The following S100Z variants were observed in gnomAD, a reference collection of about 807,000 sequenced individuals.
S100Z encodes the protein protein S100-Z.
In S100Z, 11 loss-of-function variants were observed where a neutral mutation model predicts 8.5. The ratio of observed to expected loss-of-function variants is 1.30; its 90% CI spans 0.82 to 2.15. The LOEUF is 2.15. S100Z is among the 30% of genes most tolerant of loss of function. S100Z has a pLI of 0.00. For synonymous variants in S100Z, 34 were observed against 43.8 expected (o/e 0.78, Z 0.89); for missense variants, 126 against 117.9 (o/e 1.07, Z -0.32).
chr5:76,884,244 A>G (rs1743518896), intron 4 of S100Z, among the ~76,000 whole-genome samples: 1 of 152,122 alleles, frequency 6.6e-6, no homozygotes. Flanking sequence ...TAGTTTCTTT[A>G]AGTTTGTCAT....
At chr5:76,888,987 G>A (rs935168978) in intron 4 of S100Z, among the ~76,000 whole-genome samples, 1 of 152,180 alleles carries the variant, frequency 6.6e-6, no homozygotes, top group African/African-American at 2.4e-5. Flanking sequence ...GAACATTAAG[G>A]TGCCCTACAT....
chr5:76,864,569 A>G (rs945261918), intron 1 of S100Z, among the ~76,000 whole-genome samples: 12 of 150,528 alleles, frequency 8.0e-5, no homozygotes, highest in Non-Finnish European at 1.5e-4. Context: ...ACATCCAACT[A>G]ATTTTTGTAT....
chr5:76,911,801 A>T (rs1744670770), intron 4 of S100Z, among the ~76,000 whole-genome samples: 1 of 152,240 alleles, frequency 6.6e-6, no homozygotes, highest in African/African-American at 2.4e-5. Context: ...CAGGGCCCTC[A>T]GCAAGGAACA....
chr5:76,915,602 C>T (rs994968354), intron 4 of S100Z, among the ~76,000 whole-genome samples: 10 of 151,050 alleles, frequency 6.6e-5, no homozygotes, highest in Admixed American at 2.6e-4. Context: ...AGCGAGACTC[C>T]GTCTCAAAGA....
intron 4 of S100Z, among the ~76,000 whole-genome samples, chr5:76,882,731 G>A (rs1009558443): frequency 9.9e-5 from 15 of 152,168 alleles, no homozygotes; most frequent in African/African-American, 3.4e-4. Flanking sequence ...GAAGTAATGG[G>A]GGCTGTCCGT....
Position 76,858,580 on chromosome 5 carries a change from C to T in S100Z, c.-176+8425C>T, listed in dbSNP as rs541190945. Among the ~76,000 whole-genome samples, 13 of 151,938 alleles carry T rather than the reference C, an allele frequency of 8.6e-5. No homozygotes were observed. The South Asian group carries it at 2.5e-3, about 29-fold the overall frequency. Reference sequence around the variant, plus strand: ...TGATCCAACTTAAGTCCAGCGTGCCCATCATCCATTGTCCTGCCTGGACGA... The same window carrying T: ...TGATCCAACTTAAGTCCAGCGTGCCTATCATCCATTGTCCTGCCTGGACGA... On this transcript the variant is annotated intron_variant, in intron 1 of 4. Coordinates refer to ENST00000317593, the MANE Select transcript of S100Z (RefSeq NM_130772.4).
the S100Z span, among the ~76,000 whole-genome samples, chr5:76,938,620 T>G: frequency 1.1e-4 from 17 of 152,224 alleles, no homozygotes; most frequent in African/African-American, 4.1e-4. Context: ...TTTTAATGGT[T>G]AGTGCTTTCT....
chr5:76,929,495 G>T, the S100Z span, among the ~76,000 whole-genome samples: 402 of 152,274 alleles, frequency 2.6e-3, 3 homozygotes, highest in Middle Eastern at 0.02. Flanking sequence ...AATTGATTGT[G>T]CCAGACAAAT....
intron 1 of S100Z, among the ~76,000 whole-genome samples, chr5:76,865,307 C>T (rs71578803): frequency 7.1e-6 from 1 of 140,560 alleles, no homozygotes. Flanking sequence ...TGCAGTGGTG[C>T]GATCTTGGCT....
At chr5:76,942,589 A>G in the S100Z span, among the ~76,000 whole-genome samples, 1 of 152,234 alleles carries the variant, frequency 6.6e-6, no homozygotes, top group Non-Finnish European at 1.5e-5. Context: ...TCTTTCATAC[A>G]TAATTCCAAC....
chr5:76,908,473 G>A (rs1744534495), intron 4 of S100Z, among the ~76,000 whole-genome samples: 1 of 152,150 alleles, frequency 6.6e-6, no homozygotes, highest in Non-Finnish European at 1.5e-5. Flanking sequence ...TGTCTCTGGT[G>A]CTTTTCTAGT....
At chr5:76,944,930 G>A in the S100Z span, among the ~76,000 whole-genome samples, 1 of 152,166 alleles carries the variant, frequency 6.6e-6, no homozygotes, top group African/African-American at 2.4e-5. Flanking sequence ...GTTAGTCATG[G>A]CATATTTTAG....
the S100Z span, among the ~76,000 whole-genome samples, chr5:76,947,702 T>G: frequency 6.6e-6 from 1 of 152,044 alleles, no homozygotes; most frequent in African/African-American, 2.4e-5. Context: ...GAGCCAGAAA[T>G]AAATCCACAC....
rs186435884 is a variant in S100Z, at chr5:76,876,082, G to A, written c.141+582G>A. Among the ~76,000 whole-genome samples the A allele has an allele frequency of 4.6e-5, 7 of 152,286 alleles. 1 individual carries two copies. Among genetic ancestry groups the A allele is most frequent in the East Asian group, 3.9e-4 (2 of 5,176 alleles). Reference sequence around the variant, plus strand: ...GTTTGAGAGATTAATATATGAAGCCGTACATTGTAGCGTTTGGGGCCTCCT... The same window carrying A: ...GTTTGAGAGATTAATATATGAAGCCATACATTGTAGCGTTTGGGGCCTCCT... On this transcript the variant is annotated intron_variant, in intron 3 of 4. Transcript: ENST00000317593.
chr5:76,932,659 G>A, the S100Z span, among the ~76,000 whole-genome samples: 1 of 152,082 alleles, frequency 6.6e-6, no homozygotes, highest in Non-Finnish European at 1.5e-5. Flanking sequence ...TGGCTGTGAA[G>A]ACCATTTTTG....
the S100Z span, among the ~76,000 whole-genome samples, chr5:76,945,391 A>T: frequency 6.6e-6 from 1 of 152,182 alleles, no homozygotes; most frequent in Admixed American, 6.5e-5. Flanking sequence ...GCTGAGGAGG[A>T]TTAGCAAAAG....
rs893456419 is a variant in S100Z, at chr5:76,920,893, G to A, written c.*179G>A. ...TTCCCATGCTCATAAATTAGGTAAG[G>A]AGCAGTGAGGAAGTGTCTACAGCAA... On this transcript the variant is annotated 3_prime_UTR_variant, in exon 5 of 5. Transcript: ENST00000317593. 2 of 152,164 alleles carry A rather than the reference G, an allele frequency of 1.3e-5. No individual in the cohort carries two copies. Among genetic ancestry groups the A allele is most frequent in the Admixed American group, 6.5e-5 (1 of 15,276 alleles). 9.4% of individuals were successfully genotyped at this position (152,164 alleles called of 1,614,324 possible).
intron 4 of S100Z, among the ~76,000 whole-genome samples, chr5:76,892,774 TCAACTGTG>T (rs1486862076): frequency 6.6e-6 from 1 of 152,216 alleles, no homozygotes; most frequent in Non-Finnish European, 1.5e-5. Flanking sequence ...AGAGGAATAG[TCAACTGTG>T]CATTCTTCTG....
At chr5:76,909,867 T>C (rs2150678851) in intron 4 of S100Z, among the ~76,000 whole-genome samples, 1 of 152,364 alleles carries the variant, frequency 6.6e-6, no homozygotes, top group East Asian at 1.9e-4. Context: ...TGTCATGCTA[T>C]TGTTAGATCA....
Sources: gnomAD v4.1 joint callset for allele counts (sites outside exome capture counted in the v4.1 genomes callset) on GRCh38, gnomAD v4.1.1 for gene constraint, MANE v1.5 for transcripts, NCBI Gene and HGNC (gene_info 2026-07-23, HGNC 2026-07-21) for gene names.